Variants in RIMS2 observed in about 807,000 individuals in gnomAD.
RIMS2 encodes the protein regulating synaptic membrane exocytosis protein 2.
Under a neutral mutation model 174.4 loss-of-function variants are expected in RIMS2, and 59 were observed. That is an observed-to-expected ratio of 0.34 (90% CI 0.27 to 0.42). The LOEUF is 0.42. Ranked by LOEUF, RIMS2 falls within the 10% of genes least tolerant of loss-of-function variation. The pLI, the probability that RIMS2 is intolerant of heterozygous loss-of-function variation, is 1.00. For missense variants in RIMS2, 1,620 were observed against 1,666.3 expected (o/e 0.97, Z 0.48); for synonymous variants, 606 against 572.5 (o/e 1.06, Z -0.84).
chr8:103,772,387 A>G (rs551305490), intron 3 of RIMS2, among the ~76,000 whole-genome samples: 1 of 152,170 alleles, frequency 6.6e-6, no homozygotes, highest in East Asian at 1.9e-4. Flanking sequence ...AAAAACTTTA[A>G]GACCATTAAA....
chr8:103,877,525 A>G (rs1195498328), intron 3 of RIMS2, among the ~76,000 whole-genome samples: 1 of 151,376 alleles, frequency 6.6e-6, no homozygotes, highest in Non-Finnish European at 1.5e-5. Context: ...TGCTCAGTGT[A>G]TGTTTTGTTG....
At chr8:103,544,704 G>T (rs1234848165) in intron 1 of RIMS2, among the ~76,000 whole-genome samples, 1 of 152,210 alleles carries the variant, frequency 6.6e-6, no homozygotes, top group Non-Finnish European at 1.5e-5. Context: ...GCCAACTGTG[G>T]CCCCTGCCTG....
chr8:103,978,787 A>AC lies in RIMS2; in HGVS notation c.2927+3288dup, dbSNP rs540911526. Among the ~76,000 whole-genome samples, 432 of 152,018 alleles carry AC rather than the reference A, an allele frequency of 2.8e-3. 1 individual carries two copies. The highest frequency in any genetic ancestry group is 9.8e-3 in the African/African-American group (406 of 41,478). Reference sequence around the variant, plus strand: ...ATCCCTAACAGAAATCAATAATCAGACCCCCCCAAAAAAATTAGCAATGGC... The same window carrying AC: ...ATCCCTAACAGAAATCAATAATCAGACCCCCCCCAAAAAAATTAGCAATGGC... On this transcript the variant is annotated intron_variant, in intron 16 of 23. Transcript: ENST00000504942.
chr8:103,583,948 T>C (rs1029729184), intron 1 of RIMS2, among the ~76,000 whole-genome samples: 2 of 152,126 alleles, frequency 1.3e-5, no homozygotes, highest in Non-Finnish European at 1.5e-5. Context: ...TAGAAAGATA[T>C]TATATCCAAG....
intron 3 of RIMS2, among the ~76,000 whole-genome samples, chr8:103,857,786 C>T (rs1318801257): frequency 1.3e-5 from 2 of 152,174 alleles, no homozygotes; most frequent in Non-Finnish European, 2.9e-5. Flanking sequence ...TCTATTACAA[C>T]TCTCTTCTCA....
intron 3 of RIMS2, among the ~76,000 whole-genome samples, chr8:103,843,887 C>T (rs937547433): frequency 6.6e-6 from 1 of 152,102 alleles, no homozygotes; most frequent in Non-Finnish European, 1.5e-5. Context: ...GACTGTGTCA[C>T]CACCCAAATC....
intron 1 of RIMS2, among the ~76,000 whole-genome samples, chr8:103,596,167 T>G (rs750370356): frequency 1.1e-4 from 16 of 152,060 alleles, no homozygotes; most frequent in Non-Finnish European, 2.1e-4. Context: ...ATTTCTAAAT[T>G]TCATAATTGT....
chr8:103,876,907 T>TACACACAC (rs199688639), intron 3 of RIMS2, among the ~76,000 whole-genome samples: 3 of 48,430 alleles, frequency 6.2e-5, no homozygotes, highest in Admixed American at 3.5e-4. Flanking sequence ...TATATATATA[T>TACACACAC]ATACACACAC....
chr8:103,992,896 C>T (rs1395113399), intron 17 of RIMS2, among the ~76,000 whole-genome samples: 1 of 152,082 alleles, frequency 6.6e-6, no homozygotes, highest in East Asian at 1.9e-4. Flanking sequence ...CTGGTAACTA[C>T]TACAACTAGG....
At chr8:104,188,732 A>G (rs2098982479) in intron 19 of RIMS2, among the ~76,000 whole-genome samples, 1 of 151,920 alleles carries the variant, frequency 6.6e-6, no homozygotes, top group Admixed American at 6.6e-5. Flanking sequence ...TACAGGTAGT[A>G]AATATAACAA....
At chr8:103,606,262 A>G (rs1447915268) in intron 1 of RIMS2, among the ~76,000 whole-genome samples, 17 of 145,798 alleles carry the variant, frequency 1.2e-4, no homozygotes, top group African/African-American at 4.1e-4. Context: ...TTATGTACCC[A>G]GTAGTCATTC....
chr8:103,916,270 C>T (rs1166736958), intron 7 of RIMS2, 144 bp from the exon 11 acceptor site: 2 of 491,656 alleles, frequency 4.1e-6, no homozygotes, highest in Non-Finnish European at 6.9e-6. Flanking sequence ...TTTTGTGTCA[C>T]TGGAACTGTT....
chr8:103,675,708 A>AT lies in RIMS2; in HGVS notation c.177-21370dup, dbSNP rs199946202. Among the ~76,000 whole-genome samples, 998 of 151,936 alleles carry AT rather than the reference A, an allele frequency of 6.6e-3. 7 individuals are homozygous for AT. Among genetic ancestry groups the AT allele is most frequent in the African/African-American group, 0.023 (944 of 41,408 alleles). ...AACTGACAATTATGAAGCCATTCTT[A>AT]TTTTTTTTACCAACAATTTTAAAAC... On this transcript the variant is annotated intron_variant, in intron 1 of 23. Coordinates refer to ENST00000504942, the Ensembl canonical transcript of RIMS2.
chr8:103,566,352 C>G (rs2092345337), intron 1 of RIMS2, among the ~76,000 whole-genome samples: 1 of 152,084 alleles, frequency 6.6e-6, no homozygotes, highest in Admixed American at 6.6e-5. Flanking sequence ...CATAAGGAAG[C>G]AAGAAAAGGG....
In RIMS2 at chr8:104,109,296, C is replaced by CAAA. The variant is rs1170353786; in HGVS notation, c.3334+94700_3334+94702dup. ...TGGGCGACAGAGTGAGACTCTGTCT[C>CAAA]AAAAAAAAAAAAAAAAAAAAAGAAA... On this transcript the variant is annotated intron_variant, in intron 19 of 23. Coordinates refer to ENST00000504942, the Ensembl canonical transcript of RIMS2. Among the ~76,000 whole-genome samples the CAAA allele has an allele frequency of 7.7e-3, 386 of 50,134 alleles. 4 individuals are homozygous for CAAA. Among genetic ancestry groups the CAAA allele is most frequent in the African/African-American group, 0.027 (356 of 13,400 alleles). 32.9% of individuals were successfully genotyped at this position (50,134 alleles called of 152,430 possible). A position where few individuals can be genotyped will look rare whatever the true frequency, so the allele number is the denominator to read the frequency against.
At chr8:104,213,888 AAAG>A (rs762065499) in intron 19 of RIMS2, among the ~76,000 whole-genome samples, 4,092 of 148,106 alleles carry the variant, frequency 0.028, 78 homozygotes, top group African/African-American at 0.049. Context: ...AAAAAAAAAA[AAAG>A]AAGAAGAAGA....
chr8:104,056,337 G>C (rs941680937), intron 19 of RIMS2, among the ~76,000 whole-genome samples: 7 of 151,604 alleles, frequency 4.6e-5, no homozygotes, highest in Non-Finnish European at 8.8e-5. Flanking sequence ...CCAGGAGGCA[G>C]AGGTTGCAGT....
chr8:103,918,770 G>A (rs1180758040), intron 9 of RIMS2: 3 of 269,934 alleles, frequency 1.1e-5, no homozygotes, highest in Non-Finnish European at 2.1e-5. Flanking sequence ...TACACAATTA[G>A]GTAAGTTTTG....
At chr8:104,002,160 C>T (rs2095414614) in intron 17 of RIMS2, among the ~76,000 whole-genome samples, 1 of 151,940 alleles carries the variant, frequency 6.6e-6, no homozygotes, top group African/African-American at 2.4e-5. Context: ...AATACTATGC[C>T]CTTGGACTCC....
Sources: gnomAD v4.1 joint callset for allele counts (sites outside exome capture counted in the v4.1 genomes callset) on GRCh38, gnomAD v4.1.1 for gene constraint, MANE v1.5 for transcripts, NCBI Gene and HGNC (gene_info 2026-07-23, HGNC 2026-07-21) for gene names.